F13B: variants seen among roughly 807,000 people sequenced by gnomAD.
The protein encoded by F13B is TGase.
In F13B, 58 loss-of-function variants were observed where a neutral mutation model predicts 79.8. The ratio of observed to expected loss-of-function variants is 0.73; its 90% CI spans 0.59 to 0.90. F13B has a LOEUF of 0.90. Among genes scored for constraint, F13B ranks in the 40% least tolerant of loss-of-function variants. F13B has a pLI of 0.00. For missense variants in F13B, 773 were observed against 777.0 expected (o/e 0.99, Z 0.06); for synonymous variants, 283 against 260.3 (o/e 1.09, Z -0.84).
In F13B at chr1:197,040,499, AC is replaced by A. The variant is rs780878960; in HGVS notation, c.1952+22del. ...CAATCTGACCAAAAAAAATAATCTG[AC>A]CAAAAAAAAAAAACTTCTTACCTTT... is the stretch of plus-strand genomic sequence containing the variant. On this transcript the variant is annotated intron_variant, in intron 11 of 11. Transcript: ENST00000367412. 4.0e-6 allele frequency: 6 copies of A among 1,493,420 alleles called. No homozygotes were observed. The South Asian group carries it at 6.8e-5, about 17-fold the overall frequency. The allele number at this position is 1,493,420 out of a possible 1,614,324, so 92.5% of individuals were successfully genotyped here. A position where few individuals can be genotyped will look rare whatever the true frequency, so the allele number is the denominator to read the frequency against.
intron 1 of F13B, among the ~76,000 whole-genome samples, chr1:197,066,356 T>C (rs1169995612): frequency 6.6e-6 from 1 of 152,202 alleles, no homozygotes; most frequent in Non-Finnish European, 1.5e-5. Context: ...CTTCCTTCTT[T>C]GTATGTTCAC....
chr1:197,056,971 C>T (rs1436805730), intron 7 of F13B, 42 bp downstream of exon 7: 1 of 1,601,122 alleles, frequency 6.2e-7, no homozygotes, highest in Non-Finnish European at 8.5e-7. Context: ...GAAAATTTTA[C>T]ACCATAAGTT....
chr1:197,057,094 A>T lies in F13B; in HGVS notation c.1090T>A (p.Cys364Ser). The T allele has an allele frequency of 6.2e-7, 1 of 1,613,870 alleles. No individual in the cohort carries two copies. The highest frequency in any genetic ancestry group is 8.5e-7 in the Non-Finnish European group (1 of 1,179,900). ...YYNGDKVTYA[C>S]KSGYLLHGSN... ...CCATGGAGAAGGTAGCCGCTTTTACATGCATATGTCACTTTATCCCCATTG... is the reference window on the plus strand; with the variant it reads ...CCATGGAGAAGGTAGCCGCTTTTACTTGCATATGTCACTTTATCCCCATTG... The change falls in exon 7 of 12, where the codon TGT (cysteine) becomes AGT (serine). Residue 364 changes from cysteine (C) to serine (S), a missense_variant. Transcript: ENST00000367412.
At chr1:197,046,023 T>C (rs1447981931) in intron 10 of F13B, among the ~76,000 whole-genome samples, 1 of 152,082 alleles carries the variant, frequency 6.6e-6, no homozygotes, top group East Asian at 1.9e-4. Flanking sequence ...CTCAAAATAA[T>C]ATGAGCTGTT....
chr1:197,064,449 C>T, intron 1 of F13B, among the ~76,000 whole-genome samples: 1 of 152,076 alleles, frequency 6.6e-6, no homozygotes, highest in East Asian at 1.9e-4. Flanking sequence ...TATTATCCAA[C>T]AACAGAAATG....
rs746985257 is a variant in F13B at position 197,060,965 on chromosome 1, C to T, written c.562G>A (p.Gly188Arg). 6.2e-7 allele frequency: 1 copy of T among 1,613,144 alleles called. No homozygotes were observed. Among genetic ancestry groups the T allele is most frequent in the Admixed American group, 1.7e-5 (1 of 59,958 alleles). The change falls in exon 4 of 12, where the codon GGA (glycine) becomes AGA (arginine). Residue 188 changes from glycine (G) to arginine (R), a missense_variant. Transcript: ENST00000367412. ...TCTACCTCCTCTGTCTTCTTTCCTC[C>T]AGCTGTGTAGTAGCCAGTAGCACAT... ...YECATGYYTA[G>R]GKKTEEVECL...
At position 197,061,044 on chromosome 1, in the gene F13B, T is replaced by C; in HGVS notation, c.483A>G (p.Gly161=). 6.3e-7 allele frequency: 1 copy of C among 1,591,494 alleles called. No individual in the cohort carries two copies. Among genetic ancestry groups the C allele is most frequent in the Non-Finnish European group, 8.6e-7 (1 of 1,162,834 alleles). The change falls in exon 4 of 12, where the codon GGA becomes GGG. Residue 161 remains glycine, a synonymous_variant. Coordinates refer to ENST00000367412, the MANE Select transcript of F13B (RefSeq NM_001994.3). ...ATGTTTTCTGTGTTGTGGAATAATT[T>C]CCATTATATAATTCAGGAGCCAAAC... ...ETCLAPELYN[G]NYSTTQKTFK...
At chr1:197,064,723 T>A (rs1309010786) in intron 1 of F13B, among the ~76,000 whole-genome samples, 2 of 152,180 alleles carry the variant, frequency 1.3e-5, no homozygotes, top group African/African-American at 4.8e-5. Flanking sequence ...TTTCTGGATA[T>A]GTTATACTCC....
intron 10 of F13B, among the ~76,000 whole-genome samples, chr1:197,043,606 G>T (rs1373389851): frequency 6.6e-6 from 1 of 152,088 alleles, no homozygotes; most frequent in African/African-American, 2.4e-5. Flanking sequence ...AAATAGAAAT[G>T]CAAAGATGAT....
intron 10 of F13B, among the ~76,000 whole-genome samples, chr1:197,045,224 G>GT (rs982417417): frequency 1.2e-4 from 19 of 152,072 alleles, no homozygotes; most frequent in Admixed American, 5.2e-4. Flanking sequence ...TCCAGGAACT[G>GT]TTTTTTTAAA....
chr1:197,038,779 C>G lies in F13B; in HGVS notation c.*599G>C, dbSNP rs1289637037. The stretch of plus-strand genomic sequence containing the variant: ...TCTTTCTTTAATTGTGTCTCTTTAA[C>G]AATATTTGAGCACATGTTCAAATAT... On this transcript the variant is annotated 3_prime_UTR_variant, in exon 12 of 12. Coordinates refer to ENST00000367412, the MANE Select transcript of F13B (RefSeq NM_001994.3). Among the ~76,000 whole-genome samples the G allele has an allele frequency of 3.3e-5, 5 of 151,886 alleles. No homozygotes were observed. The highest frequency in any genetic ancestry group is 7.4e-5 in the Non-Finnish European group (5 of 67,952).
chr1:197,041,866 C>A (rs565128257), intron 10 of F13B, among the ~76,000 whole-genome samples: 1 of 152,252 alleles, frequency 6.6e-6, no homozygotes, highest in South Asian at 2.1e-4. Flanking sequence ...ACAGAAGACT[C>A]ATTGTTACCA....
chr1:197,041,398 C>T (rs936667964), intron 10 of F13B, among the ~76,000 whole-genome samples: 2 of 151,962 alleles, frequency 1.3e-5, no homozygotes, highest in African/African-American at 2.4e-5. Context: ...AAAACCTCTT[C>T]GATTTTTTTT....
chr1:197,063,521 T>A (rs1451368326), intron 1 of F13B, among the ~76,000 whole-genome samples: 1 of 152,136 alleles, frequency 6.6e-6, no homozygotes, highest in East Asian at 1.9e-4. Flanking sequence ...GGTCTCACTC[T>A]GTTGCTCACG....
In F13B at chr1:197,038,855, T is replaced by G. The variant is rs1654936930; in HGVS notation, c.*523A>C. On this transcript the variant is annotated 3_prime_UTR_variant, in exon 12 of 12. Transcript: ENST00000367412. ...TTGGTTATTAACGTTGTAGCAAATATTACAGTTAATTTTAAAAGTTTTTTA... is the reference window on the plus strand; with the variant it reads ...TTGGTTATTAACGTTGTAGCAAATAGTACAGTTAATTTTAAAAGTTTTTTA... 1.3e-5 allele frequency among the ~76,000 whole-genome samples: 2 copies of G among 152,082 alleles called. No homozygotes were observed. The highest frequency in any genetic ancestry group is 2.9e-5 in the Non-Finnish European group (2 of 67,986).
At position 197,041,812 on chromosome 1, in the gene F13B, C is replaced by T. The variant is rs371322789; in HGVS notation, c.1739-1077G>A. ...ACTTTTGCAGTTTGAGGTGCAACAA[C>T]GAAACTAGCATGGATTTCTTTTTCC... is the stretch of plus-strand genomic sequence containing the variant. On this transcript the variant is annotated intron_variant, in intron 10 of 11. Transcript: ENST00000367412. Among the ~76,000 whole-genome samples, 12 of 152,230 alleles carry T rather than the reference C, an allele frequency of 7.9e-5. No individual in the cohort carries two copies. In the South Asian group the frequency reaches 8.3e-4, roughly 11 times the overall value.
intron 9 of F13B, among the ~76,000 whole-genome samples, chr1:197,052,141 G>A (rs1655463360): frequency 6.6e-6 from 1 of 152,070 alleles, no homozygotes; most frequent in South Asian, 2.1e-4. Flanking sequence ...TTCTTCTAGA[G>A]TTTTTATGGT....
intron 5 of F13B, among the ~76,000 whole-genome samples, chr1:197,057,987 C>T (rs1250347769): frequency 6.6e-6 from 1 of 152,174 alleles, no homozygotes; most frequent in Non-Finnish European, 1.5e-5. Flanking sequence ...CAGCTAACAT[C>T]TTGATTGCAG....
chr1:197,064,303 A>T (rs1655973175), intron 1 of F13B, among the ~76,000 whole-genome samples: 1 of 152,128 alleles, frequency 6.6e-6, no homozygotes. Context: ...TAAAAAAAGC[A>T]CATATTTGTA....
Sources: allele counts gnomAD v4.1 joint callset (sites outside exome capture counted in the v4.1 genomes callset), GRCh38; gene constraint gnomAD v4.1.1; transcripts MANE v1.5; gene names NCBI Gene and HGNC (gene_info 2026-07-23, HGNC 2026-07-21).